The following PTPRN2 variants were observed in gnomAD, a reference collection of about 807,000 sequenced individuals.
PTPRN2 encodes receptor-type tyrosine-protein phosphatase N2.
In PTPRN2, 74 loss-of-function variants were observed where a neutral mutation model predicts 118.8. That is an observed-to-expected ratio of 0.62 (90% CI 0.52 to 0.76). The LOEUF is 0.76. PTPRN2 is among the 30% of genes least tolerant of loss of function. The pLI is 0.00. For missense variants in PTPRN2, 1,481 were observed against 1,394.4 expected (o/e 1.06, Z -0.99); for synonymous variants, 641 against 608.0 (o/e 1.05, Z -0.80).
At chr7:157,910,471 G>A (rs556679327) in intron 11 of PTPRN2, among the ~76,000 whole-genome samples, 65 of 148,354 alleles carry the variant, frequency 4.4e-4, no homozygotes, top group African/African-American at 1.5e-3. Context: ...ACGCACGTAC[G>A]CCGTGGGGAC....
intron 6 of PTPRN2, among the ~76,000 whole-genome samples, chr7:158,151,751 T>A (rs1821195375): frequency 6.6e-6 from 1 of 152,180 alleles, no homozygotes; most frequent in Non-Finnish European, 1.5e-5. Context: ...CCTTCCTTCC[T>A]GCCACAAATA....
intron 5 of PTPRN2, among the ~76,000 whole-genome samples, chr7:158,189,225 G>C (rs1825563546): frequency 6.6e-6 from 1 of 152,264 alleles, no homozygotes; most frequent in Admixed American, 6.5e-5. Context: ...TGAGGGCAGG[G>C]AAGCACTGCA....
chr7:158,170,015 A>G (rs1401458420), intron 5 of PTPRN2, among the ~76,000 whole-genome samples: 1 of 152,182 alleles, frequency 6.6e-6, no homozygotes, highest in African/African-American at 2.4e-5. Context: ...TATTTTAATT[A>G]TTATTTCTAA....
At chr7:158,026,845 C>T (rs1807311716) in intron 11 of PTPRN2, among the ~76,000 whole-genome samples, 1 of 152,224 alleles carries the variant, frequency 6.6e-6, no homozygotes, top group African/African-American at 2.4e-5. Flanking sequence ...ACCACACGGC[C>T]CTGTCCTCTG....
chr7:158,006,204 CTG>C (rs1408445029), intron 11 of PTPRN2, among the ~76,000 whole-genome samples: 1 of 152,240 alleles, frequency 6.6e-6, no homozygotes, highest in Admixed American at 6.5e-5. Context: ...GCAGCCAACA[CTG>C]TGTTCCTCGT....
At chr7:157,637,941 A>T (rs1322689694) in intron 14 of PTPRN2, among the ~76,000 whole-genome samples, 1 of 152,254 alleles carries the variant, frequency 6.6e-6, no homozygotes, top group Non-Finnish European at 1.5e-5. Flanking sequence ...TGATGGAGAC[A>T]TGCATGTCTT....
At chr7:158,263,437 G>T (rs1797669058) in intron 3 of PTPRN2, among the ~76,000 whole-genome samples, 1 of 144,692 alleles carries the variant, frequency 6.9e-6, no homozygotes, top group Non-Finnish European at 1.5e-5. Context: ...CACACACACA[G>T]GCACACACAC....
intron 3 of PTPRN2, among the ~76,000 whole-genome samples, chr7:158,244,756 G>C (rs1374285673): frequency 6.6e-6 from 1 of 151,558 alleles, no homozygotes; most frequent in Non-Finnish European, 1.5e-5. Context: ...TGTGTGGTTA[G>C]CGTCAGAGTA....
intron 2 of PTPRN2, among the ~76,000 whole-genome samples, chr7:158,372,735 G>A (rs936114682): frequency 6.6e-6 from 1 of 152,190 alleles, no homozygotes; most frequent in Non-Finnish European, 1.5e-5. Context: ...TCAGCTTCAT[G>A]GGCATCTCCC....
intron 11 of PTPRN2, among the ~76,000 whole-genome samples, chr7:157,962,169 T>C (rs1012889824): frequency 3.3e-5 from 5 of 152,252 alleles, no homozygotes; most frequent in African/African-American, 1.2e-4. Flanking sequence ...GTCTTCTATT[T>C]TTCTTTGAAA....
intron 6 of PTPRN2, among the ~76,000 whole-genome samples, chr7:158,145,613 G>A (rs1016481995): frequency 3.9e-5 from 6 of 152,214 alleles, no homozygotes; most frequent in East Asian, 1.9e-4. Context: ...CTGGCCAGAC[G>A]CGGCCAGGCT....
At chr7:158,478,143 G>A (rs1255658208) in intron 2 of PTPRN2, among the ~76,000 whole-genome samples, 1 of 152,210 alleles carries the variant, frequency 6.6e-6, no homozygotes, top group African/African-American at 2.4e-5. Context: ...GGGCTGAGTG[G>A]GTCATCACAC....
At chr7:157,654,733 C>T (rs949373347) in intron 14 of PTPRN2, among the ~76,000 whole-genome samples, 2 of 152,154 alleles carry the variant, frequency 1.3e-5, no homozygotes, top group African/African-American at 4.8e-5. Context: ...ATGCCAAACA[C>T]AATTCTCTGA....
chr7:157,810,989 G>C (rs1805993489), intron 12 of PTPRN2, among the ~76,000 whole-genome samples: 3 of 151,978 alleles, frequency 2.0e-5, no homozygotes, highest in African/African-American at 4.8e-5. Context: ...TGGATTTTTG[G>C]GGCGGGGCGC....
intron 12 of PTPRN2, among the ~76,000 whole-genome samples, chr7:157,730,193 C>CT (rs1002056088): frequency 1.3e-5 from 2 of 152,066 alleles, no homozygotes; most frequent in African/African-American, 2.4e-5. Flanking sequence ...CCCCTGCCCC[C>CT]CCCCGGGCAC....
rs73748046 is a variant in PTPRN2, at chr7:158,093,092, T to G, written c.1644-11715A>C. Among the ~76,000 whole-genome samples the G allele has an allele frequency of 5.1e-3, 753 of 147,356 alleles. 8 individuals are homozygous for G. Among genetic ancestry groups the G allele is most frequent in the African/African-American group, 0.02 (723 of 36,988 alleles). ...CTGAGAGCCTTCTGCGAGGCACGAG[T>G]ATAAGTGTGAGACCCACACGCAGGC... On this transcript the variant is annotated intron_variant, in intron 10 of 22. Coordinates refer to ENST00000389418, the MANE Select transcript of PTPRN2 (RefSeq NM_002847.5). This position sits in a 1 kb window ranked among gnomAD's most constrained non-coding sequence, Gnocchi z 4.4.
At chr7:157,924,494 G>A (rs1442833738) in intron 11 of PTPRN2, among the ~76,000 whole-genome samples, 1 of 152,176 alleles carries the variant, frequency 6.6e-6, no homozygotes, top group Non-Finnish European at 1.5e-5. Flanking sequence ...CCATCCACAG[G>A]GCCCTGCTCA....
rs145408799 is a variant in PTPRN2 at position 158,497,810 on chromosome 7, G to A, written c.113-8025C>T. The stretch of plus-strand genomic sequence containing the variant: ...AGGGCCTGCCCCCTGCACAGCCTCT[G>A]GGCCCTGTTCCTGCGGGGACACCTG... On this transcript the variant is annotated intron_variant, in intron 1 of 22. Transcript: ENST00000389418. Among the ~76,000 whole-genome samples, 5 of 152,378 alleles carry A rather than the reference G, an allele frequency of 3.3e-5. No individual in the cohort carries two copies. In the East Asian group the frequency reaches 9.6e-4, roughly 29 times the overall value.
chr7:158,169,454 G>GTGTGTT (rs983265323), intron 5 of PTPRN2, among the ~76,000 whole-genome samples: 1 of 150,618 alleles, frequency 6.6e-6, no homozygotes, highest in Non-Finnish European at 1.5e-5. Context: ...GTGTGTGTGT[G>GTGTGTT]TGTTTTAGTA....
Sources: allele counts gnomAD v4.1 joint callset (sites outside exome capture counted in the v4.1 genomes callset), GRCh38; gene constraint gnomAD v4.1.1; non-coding constraint Gnocchi (gnomAD v3.1); transcripts MANE v1.5; gene names NCBI Gene and HGNC (gene_info 2026-07-23, HGNC 2026-07-21).